FAM107B: variants seen among roughly 807,000 people sequenced by gnomAD.
The protein encoded by FAM107B is family with sequence similarity 107 member B.
A neutral mutation model predicts 31.5 loss-of-function variants in FAM107B; 21 were observed. That is an observed-to-expected ratio of 0.67 (90% CI 0.47 to 0.96). FAM107B has a LOEUF of 0.96. Among genes scored for constraint, FAM107B ranks in the 40% least tolerant of loss-of-function variants. The probability of loss-of-function intolerance (pLI) is 0.00; values close to 1 mark genes in which losing one functional copy is unlikely to be tolerated. For missense variants in FAM107B, 452 were observed against 377.1 expected (o/e 1.20, Z -1.64); for synonymous variants, 157 against 141.5 (o/e 1.11, Z -0.78).
intron 1 of FAM107B, among the ~76,000 whole-genome samples, chr10:14,767,528 A>G (rs1833209582): frequency 6.6e-6 from 1 of 152,216 alleles, no homozygotes; most frequent in South Asian, 2.1e-4. Context: ...AAAATCGATC[A>G]GTGTAACATA....
intron 1 of FAM107B, among the ~76,000 whole-genome samples, chr10:14,702,333 C>T (rs893862568): frequency 1.1e-4 from 16 of 152,174 alleles, no homozygotes; most frequent in Non-Finnish European, 2.2e-4. Context: ...ATTCAATATT[C>T]ATGTATCATT....
At chr10:14,686,408 A>C (rs1854989294) in intron 1 of FAM107B, among the ~76,000 whole-genome samples, 1 of 150,764 alleles carries the variant, frequency 6.6e-6, no homozygotes, top group African/African-American at 2.5e-5. Context: ...AAAAAAAAAA[A>C]GTGTGGTGGC....
At chr10:14,692,558 CATAAAA>C (rs1246638776) in intron 1 of FAM107B, among the ~76,000 whole-genome samples, 1 of 152,188 alleles carries the variant, frequency 6.6e-6, no homozygotes, top group Non-Finnish European at 1.5e-5. Flanking sequence ...TTGATGCCCT[CATAAAA>C]ATCTACCTTA....
At chr10:14,644,924 C>G (rs1246294401) in intron 2 of FAM107B, among the ~76,000 whole-genome samples, 2 of 152,192 alleles carry the variant, frequency 1.3e-5, no homozygotes, top group African/African-American at 2.4e-5. Context: ...CATAGCATAT[C>G]TGGTCTAGTA....
intron 1 of FAM107B, among the ~76,000 whole-genome samples, chr10:14,764,405 C>T (rs1430634467): frequency 3.3e-5 from 5 of 152,106 alleles, no homozygotes; most frequent in Admixed American, 3.3e-4. Flanking sequence ...TGTCATTTTC[C>T]ACTTAACTGA....
At chr10:14,650,442 T>A (rs1238874851) in intron 2 of FAM107B, among the ~76,000 whole-genome samples, 1 of 152,092 alleles carries the variant, frequency 6.6e-6, no homozygotes, top group Non-Finnish European at 1.5e-5. Flanking sequence ...CCCACCACCA[T>A]GCCTGGCTCA....
chr10:14,589,848 G>A (rs968110224), intron 2 of FAM107B, among the ~76,000 whole-genome samples: 1 of 151,994 alleles, frequency 6.6e-6, no homozygotes, highest in Non-Finnish European at 1.5e-5. Context: ...AAAAAGAAAA[G>A]CACATTCTTT....
At chr10:14,737,543 G>A (rs1195611841) in intron 1 of FAM107B, among the ~76,000 whole-genome samples, 1 of 152,108 alleles carries the variant, frequency 6.6e-6, no homozygotes, top group East Asian at 1.9e-4. Context: ...GAACCTGGGA[G>A]AAGGAGGTTG....
intron 2 of FAM107B, among the ~76,000 whole-genome samples, chr10:14,658,141 A>G (rs1854119051): frequency 6.6e-6 from 1 of 152,212 alleles, no homozygotes; most frequent in African/African-American, 2.4e-5. Flanking sequence ...TTTATACGAC[A>G]GTGAAAATCC....
At chr10:14,658,569 C>G (rs938889426) in intron 2 of FAM107B, among the ~76,000 whole-genome samples, 12 of 152,200 alleles carry the variant, frequency 7.9e-5, no homozygotes, top group Non-Finnish European at 1.3e-4. Flanking sequence ...ACAACCATTA[C>G]TTTTCAGTTC....
chr10:14,548,681 G>A (rs1271861346), intron 2 of FAM107B: 6 of 980,868 alleles, frequency 6.1e-6, no homozygotes, highest in East Asian at 1.1e-4. Flanking sequence ...TTCCTCCATC[G>A]CCTCATTGGC....
At chr10:14,615,439 G>A (rs1028043075) in intron 2 of FAM107B, among the ~76,000 whole-genome samples, 2 of 152,182 alleles carry the variant, frequency 1.3e-5, no homozygotes, top group African/African-American at 4.8e-5. Context: ...ATTAAGCCTA[G>A]GCCTTGCTGA....
intron 1 of FAM107B, among the ~76,000 whole-genome samples, chr10:14,739,934 G>T (rs1354371302): frequency 1.3e-5 from 2 of 152,172 alleles, no homozygotes; most frequent in Admixed American, 6.5e-5. Flanking sequence ...TGGATTGTTT[G>T]CTTGAATGGC....
chr10:14,630,947 A>G (rs888177657), intron 2 of FAM107B, among the ~76,000 whole-genome samples: 3 of 152,222 alleles, frequency 2.0e-5, no homozygotes, highest in Admixed American at 1.3e-4. Flanking sequence ...CTATGAATAT[A>G]TAGGAATCTA....
intron 1 of FAM107B, among the ~76,000 whole-genome samples, chr10:14,717,503 C>T (rs1173410486): frequency 1.3e-5 from 2 of 152,152 alleles, no homozygotes; most frequent in African/African-American, 2.4e-5. Flanking sequence ...GCCACTGGAG[C>T]AAGACCCAGA....
chr10:14,547,420 G>T (rs1249153849), intron 2 of FAM107B, among the ~76,000 whole-genome samples: 1 of 152,084 alleles, frequency 6.6e-6, no homozygotes, highest in African/African-American at 2.4e-5. Context: ...CAAATTGTGG[G>T]TCAAACAGGT....
chr10:14,635,991 C>T (rs1041259013), intron 2 of FAM107B, among the ~76,000 whole-genome samples: 18 of 152,146 alleles, frequency 1.2e-4, no homozygotes, highest in African/African-American at 3.9e-4. Flanking sequence ...GCCAGGTGCA[C>T]AATGAATTCA....
intron 2 of FAM107B, among the ~76,000 whole-genome samples, chr10:14,610,103 G>A (rs781139857): frequency 2.0e-4 from 30 of 152,318 alleles, no homozygotes; most frequent in Admixed American, 9.8e-4. Context: ...CAGCACTTCC[G>A]GAGGCCGAGG....
rs544968204 is a variant in FAM107B at position 14,583,967 on chromosome 10, G to T, written c.470-53452C>A. ...TTTCATGGCAAGTCTTAGGAAAGAG[G>T]GTTTTGAGTTCAGGAAGTGTGGGAC... On this transcript the variant is annotated intron_variant, in intron 2 of 4. Transcript: ENST00000181796. 2.6e-5 allele frequency among the ~76,000 whole-genome samples: 4 copies of T among 152,292 alleles called. No homozygotes were observed. In the East Asian group the frequency reaches 5.8e-4, roughly 22 times the overall value.
Sources: gnomAD v4.1 joint callset for allele counts (sites outside exome capture counted in the v4.1 genomes callset) on GRCh38, gnomAD v4.1.1 for gene constraint, MANE v1.5 for transcripts, NCBI Gene and HGNC (gene_info 2026-07-23, HGNC 2026-07-21) for gene names.